The following ST7 variants were observed in gnomAD, a reference collection of about 807,000 sequenced individuals.
ST7 encodes the protein suppressor of tumorigenicity 7 protein.
ST7 carries 28 observed loss-of-function variants against 78.7 expected under a neutral mutation model. The observed-to-expected ratio is 0.36, with a 90% CI of 0.26 to 0.49. ST7 has a LOEUF of 0.49. Ranked by LOEUF, ST7 falls within the 20% of genes least tolerant of loss-of-function variation. ST7 has a pLI of 0.99. For synonymous variants in ST7, 247 were observed against 249.6 expected (o/e 0.99, Z 0.10); for missense variants, 418 against 696.0 (o/e 0.60, Z 4.49).
intron 1 of ST7, among the ~76,000 whole-genome samples, chr7:117,032,979 G>C (rs1207769986): frequency 2.0e-5 from 3 of 152,178 alleles, no homozygotes; most frequent in Non-Finnish European, 1.5e-5. Context: ...GGCAGATAAG[G>C]GGGTCTAGTT....
rs1333736542 is a variant in ST7, at chr7:117,230,033, G to A, written c.*176G>A. 1.4e-6 allele frequency: 1 copy of A among 737,578 alleles called. No individual in the cohort carries two copies. The highest frequency in any genetic ancestry group is 2.5e-6 in the Non-Finnish European group (1 of 400,864). The allele number at this position is 737,578 out of a possible 1,614,324, so 45.7% of individuals were successfully genotyped here. ...TTTTTGTTGTACAAAATTCACTGAT[G>A]TTCAGTTCTATTTTATTTTGCCTTC... On this transcript the variant is annotated 3_prime_UTR_variant, in exon 16 of 16. Coordinates refer to ENST00000323984, the MANE Select transcript of ST7 (RefSeq NM_001369598.1).
At position 117,185,517 on chromosome 7, in the gene ST7, G is replaced by A. The variant is rs534767475; in HGVS notation, c.1079-3804G>A. Among the ~76,000 whole-genome samples, 8 of 152,312 alleles carry A rather than the reference G, an allele frequency of 5.3e-5. No individual in the cohort carries two copies. In the East Asian group the frequency reaches 1.2e-3, roughly 22 times the overall value. ...ATGGAGTAGTCCCCTCTTATCCTTA[G>A]GGCATATGTTCCAAAACCTCCAGTG... On this transcript the variant is annotated intron_variant, in intron 10 of 15. Transcript: ENST00000323984.
At chr7:117,150,016 G>T (rs1806127329) in intron 9 of ST7, among the ~76,000 whole-genome samples, 1 of 152,146 alleles carries the variant, frequency 6.6e-6, no homozygotes, top group African/African-American at 2.4e-5. Flanking sequence ...GACTGCCAGT[G>T]TTTCTGGGAT....
intron 1 of ST7, among the ~76,000 whole-genome samples, chr7:117,031,883 T>TATA (rs199818364): frequency 8.9e-5 from 6 of 67,334 alleles, no homozygotes; most frequent in African/African-American, 2.9e-4. Context: ...TATATATATA[T>TATA]TTTTTTTTTT....
At chr7:117,065,659 G>A (rs1798596216) in intron 1 of ST7, among the ~76,000 whole-genome samples, 1 of 152,134 alleles carries the variant, frequency 6.6e-6, no homozygotes, top group African/African-American at 2.4e-5. Flanking sequence ...GAATCTCTGC[G>A]ATAGCATAAT....
At chr7:117,063,254 G>A (rs375933725) in intron 1 of ST7, among the ~76,000 whole-genome samples, 1 of 152,124 alleles carries the variant, frequency 6.6e-6, no homozygotes, top group Non-Finnish European at 1.5e-5. Flanking sequence ...TATGACTGAT[G>A]ATTTTATGTG....
At chr7:117,077,229 C>T (rs899970991) in intron 1 of ST7, among the ~76,000 whole-genome samples, 8 of 151,984 alleles carry the variant, frequency 5.3e-5, no homozygotes, top group South Asian at 4.1e-4. Flanking sequence ...GCACAGGATG[C>T]GGGGTGGGGC....
chr7:117,165,441 A>G (rs1219365829), intron 9 of ST7, among the ~76,000 whole-genome samples: 1 of 152,082 alleles, frequency 6.6e-6, no homozygotes, highest in Non-Finnish European at 1.5e-5. Context: ...ATGGAAGATT[A>G]TAAATGATAA....
At chr7:117,074,515 A>C (rs1486885242) in intron 1 of ST7, among the ~76,000 whole-genome samples, 1 of 147,802 alleles carries the variant, frequency 6.8e-6, no homozygotes, top group Non-Finnish European at 1.5e-5. Flanking sequence ...GACCCCCCTC[A>C]CCCCACACAC....
intron 1 of ST7, chr7:117,014,932 G>A: frequency 1.5e-6 from 2 of 1,302,914 alleles, no homozygotes; most frequent in Non-Finnish European, 2.0e-6. Context: ...TCAGTCCAGG[G>A]AGCCGTTTCA....
chr7:117,190,822 T>A lies in ST7; in HGVS notation c.1152-12T>A. 1 of 1,613,268 alleles carries A rather than the reference T, an allele frequency of 6.2e-7. No individual in the cohort carries two copies. The highest frequency in any genetic ancestry group is 8.5e-7 in the Non-Finnish European group (1 of 1,179,496). On this transcript the variant is annotated splice_polypyrimidine_tract_variant and intron_variant, in intron 11 of 15. Coordinates refer to ENST00000323984, the MANE Select transcript of ST7 (RefSeq NM_001369598.1). The surrounding 1 kb of genome is among the most constrained non-coding windows in gnomAD (Gnocchi z 5.2). ...GTCCCACCTGGATGGTTTTTGTCTTTCTGCTTTTCAGATTCTCTCCTGAGG... is the reference window on the plus strand; with the variant it reads ...GTCCCACCTGGATGGTTTTTGTCTTACTGCTTTTCAGATTCTCTCCTGAGG...
chr7:117,003,882 G>A (rs1394541228), intron 1 of ST7, among the ~76,000 whole-genome samples: 1 of 152,152 alleles, frequency 6.6e-6, no homozygotes, highest in Admixed American at 6.5e-5. Flanking sequence ...GACATGGAGG[G>A]TGTCTTTGCA....
At chr7:116,997,209 C>A (rs1794702572) in intron 1 of ST7, among the ~76,000 whole-genome samples, 1 of 152,158 alleles carries the variant, frequency 6.6e-6, no homozygotes, top group Non-Finnish European at 1.5e-5. Flanking sequence ...AAAGAGTGAG[C>A]AGCAGCAAGA....
intron 2 of ST7, among the ~76,000 whole-genome samples, chr7:117,109,422 G>A (rs572899381): frequency 2.0e-4 from 30 of 152,112 alleles, no homozygotes; most frequent in Admixed American, 3.9e-4. Context: ...ATAATTCAAG[G>A]CTACTTTGAA....
chr7:116,992,534 C>G (rs536727958), intron 1 of ST7, among the ~76,000 whole-genome samples: 12 of 152,324 alleles, frequency 7.9e-5, no homozygotes, highest in Admixed American at 6.5e-4. Context: ...CTGCACACAG[C>G]ACGGGACCCT....
intron 2 of ST7, among the ~76,000 whole-genome samples, chr7:117,116,333 A>T (rs1377563879): frequency 6.6e-6 from 1 of 152,170 alleles, no homozygotes; most frequent in Non-Finnish European, 1.5e-5. Flanking sequence ...TTAAAATCTA[A>T]ATTTGTTTAT....
At chr7:117,114,624 T>A (rs1802707219) in intron 2 of ST7, among the ~76,000 whole-genome samples, 3 of 152,158 alleles carry the variant, frequency 2.0e-5, no homozygotes, top group Admixed American at 2.0e-4. Flanking sequence ...CTATTTCCCA[T>A]GGGTTTAATG....
At chr7:117,104,039 G>C (rs1308033065) in intron 2 of ST7, among the ~76,000 whole-genome samples, 1 of 152,158 alleles carries the variant, frequency 6.6e-6, no homozygotes, top group Non-Finnish European at 1.5e-5. Flanking sequence ...ACCACAACGA[G>C]CTATCATCTC....
At chr7:116,968,844 T>C (rs1371440063) in intron 1 of ST7, among the ~76,000 whole-genome samples, 1 of 152,168 alleles carries the variant, frequency 6.6e-6, no homozygotes, top group African/African-American at 2.4e-5. Context: ...TGCATCTGCT[T>C]GGTCCCTTCA....
Sources: gnomAD v4.1 joint callset for allele counts (sites outside exome capture counted in the v4.1 genomes callset) on GRCh38, gnomAD v4.1.1 for gene constraint, Gnocchi (gnomAD v3.1) non-coding constraint, MANE v1.5 for transcripts, NCBI Gene and HGNC (gene_info 2026-07-23, HGNC 2026-07-21) for gene names.